Variants in CERS6 observed in about 807,000 individuals in gnomAD.
CERS6 encodes the protein ceramide synthase 6.
Under a neutral mutation model 56.8 loss-of-function variants are expected in CERS6, and 26 were observed. The ratio of observed to expected loss-of-function variants is 0.46; its 90% CI spans 0.34 to 0.63. The LOEUF (loss-of-function observed/expected upper bound fraction) is 0.63. CERS6 is among the 30% of genes least tolerant of loss of function. CERS6 has a pLI of 0.01. For missense variants in CERS6, 415 were observed against 467.5 expected, an observed-to-expected ratio of 0.89 and a Z score of 1.04; for synonymous variants, 164 against 173.3, an observed-to-expected ratio of 0.95 and a Z score of 0.42.
chr2:168,741,676 C>T (rs901433923), intron 8 of CERS6, among the ~76,000 whole-genome samples: 2 of 152,110 alleles, frequency 1.3e-5, no homozygotes, highest in African/African-American at 4.8e-5. Context: ...GTAATGAGAC[C>T]AGAGCTCATA....
chr2:168,706,085 CA>C (rs1338306147), intron 6 of CERS6, among the ~76,000 whole-genome samples: 1 of 152,110 alleles, frequency 6.6e-6, no homozygotes, highest in East Asian at 1.9e-4. Flanking sequence ...ATCTAAAGTT[CA>C]ATGAATAGAA....
intron 1 of CERS6, among the ~76,000 whole-genome samples, chr2:168,507,804 C>T (rs993812991): frequency 3.3e-5 from 5 of 152,172 alleles, no homozygotes; most frequent in African/African-American, 4.8e-5. Context: ...ACTTGACATT[C>T]TTTTCTGAGA....
intron 1 of CERS6, among the ~76,000 whole-genome samples, chr2:168,474,682 A>G (rs1436973323): frequency 6.6e-6 from 1 of 152,218 alleles, no homozygotes; most frequent in African/African-American, 2.4e-5. Context: ...ATAATCATAA[A>G]ATACAGTGAG....
chr2:168,651,630 A>T (rs1685342497), intron 4 of CERS6, among the ~76,000 whole-genome samples: 1 of 152,144 alleles, frequency 6.6e-6, no homozygotes, highest in Admixed American at 6.5e-5. Context: ...GTCAGGGGGA[A>T]CCGCCAGACC....
intron 4 of CERS6, among the ~76,000 whole-genome samples, chr2:168,679,226 T>C (rs924332963): frequency 2.0e-5 from 3 of 152,076 alleles, no homozygotes; most frequent in Admixed American, 2.0e-4. Flanking sequence ...TACAGTTAGA[T>C]GGGGGGAATA....
intron 4 of CERS6, among the ~76,000 whole-genome samples, chr2:168,661,493 C>G (rs1296796517): frequency 1.3e-5 from 2 of 152,150 alleles, no homozygotes; most frequent in African/African-American, 4.8e-5. Flanking sequence ...AAACCTTTCT[C>G]CTCATTTAAG....
chr2:168,749,383 C>A (rs1010664264), intron 8 of CERS6, among the ~76,000 whole-genome samples: 3 of 152,186 alleles, frequency 2.0e-5, no homozygotes, highest in Non-Finnish European at 4.4e-5. Context: ...AAGCCCATCC[C>A]ATATAGGCAG....
chr2:168,528,100 C>T (rs1695102112), intron 1 of CERS6, among the ~76,000 whole-genome samples: 2 of 152,116 alleles, frequency 1.3e-5, no homozygotes, highest in African/African-American at 4.8e-5. Flanking sequence ...CCATTAGTCC[C>T]CACCTTCCAA....
At chr2:168,633,495 C>T (rs1158210200) in intron 4 of CERS6, among the ~76,000 whole-genome samples, 1 of 152,100 alleles carries the variant, frequency 6.6e-6, no homozygotes, top group African/African-American at 2.4e-5. Flanking sequence ...AACACATGCT[C>T]CTCTTTCTTA....
intron 4 of CERS6, among the ~76,000 whole-genome samples, chr2:168,675,357 G>A (rs1039095039): frequency 6.6e-6 from 1 of 152,128 alleles, no homozygotes; most frequent in South Asian, 2.1e-4. Context: ...GGCCGAGGCA[G>A]TTAAATCATT....
intron 8 of CERS6, among the ~76,000 whole-genome samples, chr2:168,757,875 C>G (rs1684460905): frequency 6.6e-6 from 1 of 152,160 alleles, no homozygotes; most frequent in East Asian, 1.9e-4. Flanking sequence ...TAAGCTACAG[C>G]CGGGGTGCAG....
intron 4 of CERS6, among the ~76,000 whole-genome samples, chr2:168,646,410 T>C (rs1424418585): frequency 6.6e-6 from 1 of 152,254 alleles, no homozygotes; most frequent in Non-Finnish European, 1.5e-5. Context: ...TGTAAATTTG[T>C]TTAATTCCTT....
intron 6 of CERS6, among the ~76,000 whole-genome samples, chr2:168,701,235 TATCTTAGCTTATC>T (rs1246276757): frequency 8.5e-5 from 13 of 152,350 alleles, no homozygotes; most frequent in South Asian, 4.2e-4. Flanking sequence ...AATTGCTGCA[TATCTTAGCTTATC>T]CTGACTGGCA....
chr2:168,572,647 C>T (rs1002926458), intron 3 of CERS6, among the ~76,000 whole-genome samples: 1 of 152,154 alleles, frequency 6.6e-6, no homozygotes, highest in African/African-American at 2.4e-5. Flanking sequence ...AGCCTCCTTT[C>T]TCTTTCCTTT....
chr2:168,618,291 A>G (rs1684368022), intron 3 of CERS6, among the ~76,000 whole-genome samples: 1 of 152,216 alleles, frequency 6.6e-6, no homozygotes, highest in African/African-American at 2.4e-5. Flanking sequence ...AATGGGGAAA[A>G]GTTGAAAGCA....
intron 4 of CERS6, among the ~76,000 whole-genome samples, chr2:168,649,057 T>G (rs538905237): frequency 6.6e-6 from 1 of 152,132 alleles, no homozygotes; most frequent in South Asian, 2.1e-4. Context: ...CAAATAATTT[T>G]AAATATACTT....
intron 4 of CERS6, among the ~76,000 whole-genome samples, chr2:168,681,048 C>A (rs1415760845): frequency 6.6e-6 from 1 of 152,202 alleles, no homozygotes; most frequent in Non-Finnish European, 1.5e-5. Context: ...GTACCTGATG[C>A]ATGGTAGGCA....
chr2:168,622,482 T>TTA (rs1559024484), intron 3 of CERS6, among the ~76,000 whole-genome samples: 1 of 152,210 alleles, frequency 6.6e-6, no homozygotes, highest in Admixed American at 6.5e-5. Flanking sequence ...ATATGTGTGT[T>TTA]TATATATATG....
At chr2:168,490,703 C>G (rs1694354377) in intron 1 of CERS6, among the ~76,000 whole-genome samples, 1 of 151,792 alleles carries the variant, frequency 6.6e-6, no homozygotes, top group Non-Finnish European at 1.5e-5. Context: ...GTGGCCAGAG[C>G]TTTTAGTTTT....
Sources: gnomAD v4.1 joint callset for allele counts (sites outside exome capture counted in the v4.1 genomes callset) on GRCh38, gnomAD v4.1.1 for gene constraint, MANE v1.5 for transcripts, NCBI Gene and HGNC (gene_info 2026-07-23, HGNC 2026-07-21) for gene names.